DACH2: variants seen among roughly 807,000 people sequenced by gnomAD.
The protein encoded by DACH2 is dachshund homolog 2.
A neutral mutation model predicts 35.8 loss-of-function variants in DACH2; 17 were observed. The observed-to-expected ratio is 0.48, with a 90% confidence interval of 0.33 to 0.71. The LOEUF (loss-of-function observed/expected upper bound fraction) is 0.71. DACH2 is among the 30% of genes least tolerant of loss of function. The probability of loss-of-function intolerance (pLI) is 0.02; values close to 1 mark genes in which losing one functional copy is unlikely to be tolerated. For missense variants in DACH2, 469 were observed against 472.7 expected, an observed-to-expected ratio of 0.99 and a Z score of 0.07; for synonymous variants, 195 against 177.3, an observed-to-expected ratio of 1.10 and a Z score of -0.79.
At chrX:86,418,671 G>A (rs1319072015) in intron 2 of DACH2, among the ~76,000 whole-genome samples, 4 of 111,072 alleles carry the variant, frequency 3.6e-5, no homozygotes, top group African/African-American at 9.8e-5. Flanking sequence ...AGGCCTCTTG[G>A]TCTGCGATGG....
intron 1 of DACH2, among the ~76,000 whole-genome samples, chrX:86,315,985 T>C (rs2034897734): frequency 9.0e-6 from 1 of 110,836 alleles, no homozygotes; most frequent in South Asian, 3.9e-4. Context: ...GGAGGGGGTG[T>C]CTTATCTTCC....
At chrX:86,655,753 A>G (rs2040531632) in intron 4 of DACH2, among the ~76,000 whole-genome samples, 1 of 111,464 alleles carries the variant, frequency 9.0e-6, no homozygotes, top group Admixed American at 9.6e-5. Context: ...TCAATATATA[A>G]ATGACTATAC....
At chrX:86,815,620 T>C (rs1298876105) in intron 10 of DACH2, among the ~76,000 whole-genome samples, 1 of 106,063 alleles carries the variant, frequency 9.4e-6, no homozygotes, top group Non-Finnish European at 1.9e-5. Context: ...CACATATTTA[T>C]ATATATACAC....
intron 1 of DACH2, among the ~76,000 whole-genome samples, chrX:86,187,158 A>T (rs2031705878): frequency 9.0e-6 from 1 of 111,517 alleles, no homozygotes; most frequent in South Asian, 3.7e-4. Flanking sequence ...GAGATATTAT[A>T]TGAGTGGAGT....
At chrX:86,434,833 C>T (rs2037041580) in intron 2 of DACH2, among the ~76,000 whole-genome samples, 1 of 111,599 alleles carries the variant, frequency 9.0e-6, no homozygotes, top group South Asian at 3.7e-4. Flanking sequence ...GACATCTGCT[C>T]AGCTTTTGGG....
chrX:86,826,700 A>G (rs1435478468), intron 11 of DACH2, among the ~76,000 whole-genome samples: 3 of 112,092 alleles, frequency 2.7e-5, no homozygotes, highest in African/African-American at 9.7e-5. Context: ...TTCTGAACAT[A>G]TTTCCACAAC....
At chrX:86,820,050 A>AAAAT (rs1204953759) in intron 11 of DACH2, among the ~76,000 whole-genome samples, 1 of 111,836 alleles carries the variant, frequency 8.9e-6, no homozygotes, top group East Asian at 2.8e-4. Context: ...TACATTTTAG[A>AAAAT]AAATAGACAA....
chrX:86,192,181 AC>A (rs752630782), intron 1 of DACH2, among the ~76,000 whole-genome samples: 1 of 111,467 alleles, frequency 9.0e-6, no homozygotes, highest in Non-Finnish European at 1.9e-5. Context: ...TCAGCTTTAT[AC>A]ACAGGCAAGT....
chrX:86,373,017 A>G (rs946810516), intron 1 of DACH2, among the ~76,000 whole-genome samples: 1 of 110,782 alleles, frequency 9.0e-6, no homozygotes, highest in Non-Finnish European at 1.9e-5. Flanking sequence ...GTTCTTTTTT[A>G]TGGCTGTGTA....
At chrX:86,615,795 A>T (rs1448652963) in intron 3 of DACH2, among the ~76,000 whole-genome samples, 1 of 110,985 alleles carries the variant, frequency 9.0e-6, no homozygotes, top group Non-Finnish European at 1.9e-5. Context: ...TTTCAGGTTC[A>T]GGGGTACATG....
At chrX:86,630,423 C>T (rs1308739196) in intron 3 of DACH2, among the ~76,000 whole-genome samples, 1 of 107,975 alleles carries the variant, frequency 9.3e-6, no homozygotes, top group Admixed American at 1.0e-4. Context: ...TATATACACA[C>T]ATATATATAT....
At chrX:86,474,616 T>A (rs1467151583) in intron 2 of DACH2, among the ~76,000 whole-genome samples, 1 of 112,346 alleles carries the variant, frequency 8.9e-6, no homozygotes, top group Non-Finnish European at 1.9e-5. Context: ...TTGAACTACC[T>A]TTTTCCCAGT....
At position 86,200,635 on chromosome X, in the gene DACH2, CAAAAAAAA is replaced by C. The variant is rs56012558; in HGVS notation, c.488+51537_488+51544del. ...AGTGGGTAAAGGACATGAACTTTTC[CAAAAAAAA>C]AAAAAAAAAGACATATATGAGGCCA... On this transcript the variant is annotated intron_variant, in intron 1 of 11. Coordinates refer to ENST00000373125, the MANE Select transcript of DACH2 (RefSeq NM_053281.3). Among the ~76,000 whole-genome samples the C allele has an allele frequency of 3.1e-4, 15 of 47,688 alleles. No individual in the cohort carries two copies. In the South Asian group the frequency reaches 0.01, roughly 33 times the overall value. The allele number at this position is 47,688 out of a possible 115,157, so 41.4% of individuals were successfully genotyped here.
intron 7 of DACH2, among the ~76,000 whole-genome samples, chrX:86,767,244 T>G (rs2041944009): frequency 8.9e-6 from 1 of 111,955 alleles, no homozygotes; most frequent in Non-Finnish European, 1.9e-5. Flanking sequence ...TCATAAGGTG[T>G]AAACAGGGGA....
intron 3 of DACH2, among the ~76,000 whole-genome samples, chrX:86,635,727 A>G (rs2040257000): frequency 9.0e-6 from 1 of 111,595 alleles, no homozygotes; most frequent in African/African-American, 3.3e-5. Flanking sequence ...ACATTCCTAT[A>G]CACCAACAAC....
intron 2 of DACH2, among the ~76,000 whole-genome samples, chrX:86,465,795 C>T (rs997179578): frequency 8.9e-6 from 1 of 111,743 alleles, no homozygotes; most frequent in African/African-American, 3.3e-5. Context: ...TGCCTATATG[C>T]CATTGATTTT....
chrX:86,293,967 G>C (rs1395195234), intron 1 of DACH2, among the ~76,000 whole-genome samples: 1 of 111,490 alleles, frequency 9.0e-6, no homozygotes, highest in Non-Finnish European at 1.9e-5. Context: ...CTGAATGTTA[G>C]CCTGCCTTGC....
intron 3 of DACH2, among the ~76,000 whole-genome samples, chrX:86,620,305 T>C (rs1234613978): frequency 9.0e-6 from 1 of 111,581 alleles, no homozygotes; most frequent in African/African-American, 3.3e-5. Context: ...ATCTTCTCTT[T>C]ATATCAGGTA....
At chrX:86,812,139 G>T (rs969614022) in intron 7 of DACH2, among the ~76,000 whole-genome samples, 3 of 111,385 alleles carry the variant, frequency 2.7e-5, no homozygotes, top group African/African-American at 3.3e-5. Flanking sequence ...ATAAACTACT[G>T]ATACCTGCCA....
Sources: gnomAD v4.1 joint callset for allele counts (sites outside exome capture counted in the v4.1 genomes callset) on GRCh38, gnomAD v4.1.1 for gene constraint, MANE v1.5 for transcripts, NCBI Gene and HGNC (gene_info 2026-07-23, HGNC 2026-07-21) for gene names.